CARD8: variants seen among roughly 807,000 people sequenced by gnomAD.
CARD8 encodes caspase recruitment domain-containing protein 8.
Under a neutral mutation model 53.2 loss-of-function variants are expected in CARD8, and 38 were observed. That is an observed-to-expected ratio of 0.71 (90% CI 0.55 to 0.94). CARD8 has a LOEUF of 0.94. CARD8 is among the 40% of genes least tolerant of loss of function. The probability of loss-of-function intolerance (pLI) is 0.00; values close to 1 mark genes in which losing one functional copy is unlikely to be tolerated. For synonymous variants in CARD8, 245 were observed against 244.9 expected, an observed-to-expected ratio of 1.00 and a Z score of 0.00; for missense variants, 561 against 655.5, an observed-to-expected ratio of 0.86 and a Z score of 1.57.
Position 48,246,164 on chromosome 19 carries a change from T to C in CARD8, c.-44+3359A>G, listed in dbSNP as rs151052844. Among the ~76,000 whole-genome samples the C allele has an allele frequency of 9.6e-4, 146 of 152,326 alleles. 2 individuals carry two copies. In the East Asian group the frequency reaches 0.026, roughly 27 times the overall value. On this transcript the variant is annotated intron_variant, in intron 3 of 13. Transcript: ENST00000651546. Reference sequence around the variant, plus strand: ...ATTGTGACATTTTTGCGGAACATGGTCAACTATTTTACAGAATGTTTATCA... The same window carrying C: ...ATTGTGACATTTTTGCGGAACATGGCCAACTATTTTACAGAATGTTTATCA...
intron 6 of CARD8, 33 bp from the exon 7 acceptor site, chr19:48,232,526 T>C (rs2043103944): frequency 3.9e-6 from 6 of 1,520,428 alleles, no homozygotes; most frequent in South Asian, 3.6e-5. Context: ...TACAAAAAGA[T>C]GAAAAACATC....
chr19:48,245,879 T>A (rs1289254413), intron 3 of CARD8, among the ~76,000 whole-genome samples: 3 of 148,828 alleles, frequency 2.0e-5, no homozygotes, highest in Non-Finnish European at 3.0e-5. Flanking sequence ...ATATATAATA[T>A]ACAATTGTAT....
chr19:48,232,194 G>C (rs144067489), intron 7 of CARD8: 7 of 581,550 alleles, frequency 1.2e-5, no homozygotes, highest in South Asian at 6.1e-5. Flanking sequence ...ATGCAGAGGC[G>C]AAAGAGCGTG....
chr19:48,216,177 C>A (rs2035615316), intron 12 of CARD8, among the ~76,000 whole-genome samples: 1 of 149,610 alleles, frequency 6.7e-6, no homozygotes, highest in South Asian at 2.1e-4. Context: ...TGGAAAAAAT[C>A]TTTTTTAAAT....
At position 48,255,848 on chromosome 19, in the gene CARD8, T is replaced by A. The variant is rs1018092265; in HGVS notation, c.-308A>T. ...TGACTTTAGGGTAGGACGGGCCAAATGGGAGAATCCCCTTAGGTCGGTTTC... is the reference window on the plus strand; with the variant it reads ...TGACTTTAGGGTAGGACGGGCCAAAAGGGAGAATCCCCTTAGGTCGGTTTC... On this transcript the variant is annotated 5_prime_UTR_variant, in exon 1 of 14. Coordinates refer to ENST00000651546, the MANE Select transcript of CARD8 (RefSeq NM_001184900.3). 3 of 152,216 alleles carry A rather than the reference T, an allele frequency of 2.0e-5. No individual in the cohort carries two copies. Among genetic ancestry groups the A allele is most frequent in the Non-Finnish European group, 4.4e-5 (3 of 68,032 alleles). 9.4% of individuals were successfully genotyped at this position (152,216 alleles called of 1,614,324 possible). A position where few individuals can be genotyped will look rare whatever the true frequency, so the allele number is the denominator to read the frequency against.
At chr19:48,231,630 T>A (rs1465815076) in intron 8 of CARD8, 30 bp downstream of exon 8, 1 of 1,559,302 alleles carries the variant, frequency 6.4e-7, no homozygotes, top group Admixed American at 1.9e-5. Flanking sequence ...TCAGAGTGGT[T>A]TTCAAATCAT....
At chr19:48,255,055 A>G (rs2047424295) in intron 1 of CARD8, among the ~76,000 whole-genome samples, 1 of 152,166 alleles carries the variant, frequency 6.6e-6, no homozygotes, top group Non-Finnish European at 1.5e-5. Context: ...TCCCAATTGC[A>G]ATGCTCTATT....
rs188716648 is a variant in CARD8 at position 48,211,965 on chromosome 19, A to G, written c.1359T>C (p.Phe453=). The G allele has an allele frequency of 2.4e-5, 38 of 1,613,930 alleles. No individual in the cohort carries two copies. The highest frequency in any genetic ancestry group is 2.2e-4 in the Admixed American group (13 of 59,992). The stretch of plus-strand genomic sequence containing the variant: ...GGAGTTGCCGGTGGTTCTCCTTCAC[A>G]AAGGCTGCACCTGGATGAAAGGGGG... ...SAPPPFSGAA[F]VKENHRQLQA... The change falls in exon 14 of 14, where the codon TTT becomes TTC. Residue 453 remains phenylalanine (F), a synonymous_variant. Transcript: ENST00000651546.
At chr19:48,218,358 T>C (rs2039779287) in intron 12 of CARD8, among the ~76,000 whole-genome samples, 2 of 48,046 alleles carry the variant, frequency 4.2e-5, no homozygotes, top group African/African-American at 8.0e-5. Flanking sequence ...TTCTTCTTTT[T>C]TTTTTTTTTT....
intron 10 of CARD8, among the ~76,000 whole-genome samples, chr19:48,228,434 GGAATAGCATTCCACTGA>G (rs1298965976): frequency 6.6e-6 from 1 of 152,058 alleles, no homozygotes; most frequent in Non-Finnish European, 1.5e-5. Flanking sequence ...CGTGGTCAGT[GGAATAGCATTCCACTGA>G]GACCCCAGGT....
chr19:48,212,085 T>A, intron 13 of CARD8, 110 bp from the exon 14 acceptor site: 1 of 1,016,052 alleles, frequency 9.8e-7, no homozygotes, highest in Non-Finnish European at 1.5e-6. Context: ...TCCTTGTGTC[T>A]GTAGCTTAAT....
chr19:48,231,906 A>G, intron 7 of CARD8, 96 bp from the exon 8 acceptor site: 2 of 1,078,246 alleles, frequency 1.9e-6, no homozygotes, highest in Non-Finnish European at 2.8e-6. Context: ...TGCTGTTGGG[A>G]TACAGATATC....
chr19:48,228,371 G>C (rs1465609378), intron 10 of CARD8, among the ~76,000 whole-genome samples: 9 of 152,198 alleles, frequency 5.9e-5, no homozygotes, highest in Admixed American at 5.9e-4. Flanking sequence ...ACTACTTCCT[G>C]GTGCCTAAAA....
chr19:48,203,950 T>C, downstream of CARD8: 1 of 300,586 alleles, frequency 3.3e-6, no homozygotes, highest in South Asian at 2.4e-5. Context: ...TCCAAGTCCC[T>C]TTGCTGAGTG....
chr19:48,221,732 TG>T lies in CARD8; in HGVS notation c.1158del (p.Lys387ArgfsTer3). On this transcript the variant is annotated frameshift_variant, in exon 11 of 14. Coordinates refer to ENST00000651546, the MANE Select transcript of CARD8 (RefSeq NM_001184900.3). LOFTEE classifies it high-confidence loss of function. ...AGTTGGGTTTGAATTCTACTAACCT[TG>T]GGCATTACTTTCAGGTTAGCAGAAT... Reference protein sequence around the residue: ...VSNSANLKVMPKELKLSYRSP... With the variant: ...VSNSANLKVMXKELKLSYRSP... 1 of 1,582,134 alleles carries T rather than the reference TG, an allele frequency of 6.3e-7. No homozygotes were observed.
chr19:48,229,166 A>G (rs998673670), intron 10 of CARD8, among the ~76,000 whole-genome samples: 2 of 152,164 alleles, frequency 1.3e-5, no homozygotes, highest in Non-Finnish European at 1.5e-5. Flanking sequence ...GAAAAGAAAA[A>G]GAACAAGGAG....
chr19:48,243,018 C>T (rs1299878078), intron 3 of CARD8, among the ~76,000 whole-genome samples: 2 of 152,046 alleles, frequency 1.3e-5, no homozygotes, highest in Admixed American at 1.3e-4. Flanking sequence ...TTATTAATAG[C>T]ATTTCAGAGA....
intron 10 of CARD8, 47 bp downstream of exon 10, chr19:48,230,391 G>C: frequency 6.5e-7 from 1 of 1,548,830 alleles, no homozygotes; most frequent in South Asian, 1.2e-5. Context: ...GGATAACCTG[G>C]AAATATAATC....
Position 48,249,611 on chromosome 19 carries a change from G to A in CARD8, c.-132C>T, listed in dbSNP as rs2046679337. On this transcript the variant is annotated 5_prime_UTR_variant, in exon 3 of 14. Coordinates refer to ENST00000651546, the MANE Select transcript of CARD8 (RefSeq NM_001184900.3). Reference sequence around the variant, plus strand: ...GAAGTCCTGAGAGCTTGTTTCCCTCGAATCTCAGACAGCCCTCCTTCTCTA... The same window carrying A: ...GAAGTCCTGAGAGCTTGTTTCCCTCAAATCTCAGACAGCCCTCCTTCTCTA... 1.3e-5 allele frequency: 2 copies of A among 152,350 alleles called. No individual in the cohort carries two copies. Among genetic ancestry groups the A allele is most frequent in the South Asian group, 4.1e-4 (2 of 4,824 alleles). 9.4% of individuals were successfully genotyped at this position (152,350 alleles called of 1,614,324 possible).
Sources: allele counts gnomAD v4.1 joint callset (sites outside exome capture counted in the v4.1 genomes callset), GRCh38; gene constraint gnomAD v4.1.1; transcripts MANE v1.5; gene names NCBI Gene and HGNC (gene_info 2026-07-23, HGNC 2026-07-21).